The following TYRO3 variants were observed in gnomAD, a reference collection of about 807,000 sequenced individuals.
TYRO3 encodes TYRO3 protein tyrosine kinase.
TYRO3 carries 38 observed loss-of-function variants against 95.2 expected under a neutral mutation model. The observed-to-expected ratio is 0.40, with a 90% CI of 0.31 to 0.52. The LOEUF is 0.52. TYRO3 is among the 20% of genes least tolerant of loss of function. TYRO3 has a pLI of 0.56. For missense variants in TYRO3, 812 were observed against 1,116.4 expected (o/e 0.73, Z 3.89); for synonymous variants, 367 against 432.9 (o/e 0.85, Z 1.89).
At chr15:41,563,069 A>C (rs1433325446) in intron 4 of TYRO3, among the ~76,000 whole-genome samples, 1 of 152,106 alleles carries the variant, frequency 6.6e-6, no homozygotes, top group African/African-American at 2.4e-5. Flanking sequence ...CAGCCCACGC[A>C]GAACTAGGGA....
At chr15:41,560,428 T>TGTGTGTGTGTGTGTGCGC (rs1408766845) in intron 1 of TYRO3, among the ~76,000 whole-genome samples, 25 of 135,304 alleles carry the variant, frequency 1.8e-4, no homozygotes, top group Non-Finnish European at 3.1e-4. Context: ...TGTGTGTGTG[T>TGTGTGTGTGTGTGTGCGC]GCGCGCGCGC....
intron 17 of TYRO3, 84 bp downstream of exon 17, chr15:41,573,551 T>G: frequency 6.4e-7 from 1 of 1,567,232 alleles, no homozygotes; most frequent in Admixed American, 1.7e-5. Context: ...CCAAGTCTGC[T>G]CTCTGGGGTT....
chr15:41,569,469 C>T (rs971725243), intron 9 of TYRO3, among the ~76,000 whole-genome samples: 2 of 150,440 alleles, frequency 1.3e-5, no homozygotes, highest in African/African-American at 2.5e-5. Flanking sequence ...TCTGTTGTCT[C>T]TAAAGAAACA....
chr15:41,576,645 CTTTT>C (rs971951671), intron 18 of TYRO3, among the ~76,000 whole-genome samples: 1 of 101,092 alleles, frequency 9.9e-6, no homozygotes, highest in East Asian at 2.7e-4. Flanking sequence ...AGTAGGTTTC[CTTTT>C]TTTTTTTTTT....
At position 41,564,236 on chromosome 15, in the gene TYRO3, G is replaced by A. The variant is rs1362449031; in HGVS notation, c.633G>A (p.Leu211=). ...FSCEAHNLKG[L]ASSRTATVHL... is the part of the protein sequence containing the mutation. ...GTGAAGCTCACAACCTAAAAGGCCT[G>A]GCCTCTTCTCGCACAGCCACTGTTC... The change falls in exon 5 of 19, where the codon CTG becomes CTA. Residue 211 remains leucine, a synonymous_variant. Coordinates refer to ENST00000263798, the MANE Select transcript of TYRO3 (RefSeq NM_006293.4). The A allele has an allele frequency of 1.9e-6, 3 of 1,614,020 alleles. No homozygotes were observed. Among genetic ancestry groups the A allele is most frequent in the Non-Finnish European group, 2.5e-6 (3 of 1,180,004 alleles).
chr15:41,564,376 C>A, intron 5 of TYRO3, 106 bp downstream of exon 5: 1 of 1,163,920 alleles, frequency 8.6e-7, no homozygotes, highest in Non-Finnish European at 1.3e-6. Flanking sequence ...TGTGGTCCTG[C>A]TGGGATCTAG....
chr15:41,561,211 A>T lies in TYRO3; in HGVS notation c.209A>T (p.Glu70Val), dbSNP rs753026091. The part of the protein sequence containing the change: ...VKLNCSVEGM[E>V]EPDIQWVKDG... ...CTCAACTGCAGTGTGGAGGGGATGG[A>T]GGAGCCTGACATCCAGTGGGTGAAG... is the stretch of plus-strand genomic sequence containing the variant. The change falls in exon 2 of 19, where the codon GAG (glutamate) becomes GTG (valine). Residue 70 changes from glutamate to valine, a missense_variant. Transcript: ENST00000263798. 3 of 1,614,206 alleles carry T rather than the reference A, an allele frequency of 1.9e-6. No homozygotes were observed. In the South Asian group the frequency reaches 3.3e-5, roughly 18 times the overall value.
At chr15:41,566,733 A>C (rs2055729793) in intron 6 of TYRO3, among the ~76,000 whole-genome samples, 1 of 152,100 alleles carries the variant, frequency 6.6e-6, no homozygotes. Context: ...CTGACTCGGG[A>C]CTCCAGGGAT....
chr15:41,568,390 C>A, intron 8 of TYRO3, 28 bp downstream of exon 8: 2 of 1,588,304 alleles, frequency 1.3e-6, no homozygotes, highest in Non-Finnish European at 1.7e-6. Context: ...CCTCTCTCCA[C>A]TCTCCTGGAG....
chr15:41,572,953 C>T (rs201282477), intron 15 of TYRO3, 49 bp from the exon 16 acceptor site: 999 of 1,277,608 alleles, frequency 7.8e-4, no homozygotes, highest in Non-Finnish European at 9.8e-4. Flanking sequence ...CCATCCTGCC[C>T]CAGCTGGGTG....
At position 41,582,750 on chromosome 15, in the gene TYRO3, G is replaced by C. The variant is rs1204933207; in HGVS notation, c.*4474G>C. On this transcript the variant is annotated 3_prime_UTR_variant, in exon 19 of 19. Transcript: ENST00000263798. ...GTTGATTTATCTCAAATTTATTGTT[G>C]AATAAGAAGTGATACAGAGATTCAA... 2 of 152,010 alleles carry C rather than the reference G, an allele frequency of 1.3e-5. No individual in the cohort carries two copies. The highest frequency in any genetic ancestry group is 2.9e-5 in the Non-Finnish European group (2 of 67,992). The allele number at this position is 152,010 out of a possible 1,614,324, so 9.4% of individuals were successfully genotyped here.
rs2055931906 is a variant in TYRO3, at chr15:41,582,476, G to A, written c.*4200G>A. ...ACCTGGGAGGGGGAGGTTGCAGTGA[G>A]CCACTACATTCCAGCTTGGGTGAGA... is the stretch of plus-strand genomic sequence containing the variant. On this transcript the variant is annotated 3_prime_UTR_variant, in exon 19 of 19. Transcript: ENST00000263798. 1 of 152,064 alleles carries A rather than the reference G, an allele frequency of 6.6e-6. No homozygotes were observed. The highest frequency in any genetic ancestry group is 1.5e-5 in the Non-Finnish European group (1 of 68,080). 9.4% of individuals were successfully genotyped at this position (152,064 alleles called of 1,614,324 possible).
chr15:41,566,014 T>C (rs2055719024), intron 6 of TYRO3, among the ~76,000 whole-genome samples: 1 of 152,134 alleles, frequency 6.6e-6, no homozygotes, highest in African/African-American at 2.4e-5. Flanking sequence ...GCTCCACCAT[T>C]TAGAGAACCC....
rs754761754 is a variant in TYRO3, at chr15:41,565,167, T to C, written c.783+26T>C. 4 of 1,435,136 alleles carry C rather than the reference T, an allele frequency of 2.8e-6. No homozygotes were observed. In the African/African-American group the frequency reaches 5.6e-5, roughly 20 times the overall value. 88.9% of individuals were successfully genotyped at this position (1,435,136 alleles called of 1,614,324 possible). ...GTAGGCTCTCCGGGCCGGGCCATGC[T>C]CGTTCTGGCTGCATGGCCAGCACTT... On this transcript the variant is annotated intron_variant, in intron 6 of 18. Transcript: ENST00000263798.
intron 11 of TYRO3, 85 bp downstream of exon 11, chr15:41,570,425 A>G: frequency 7.3e-7 from 1 of 1,372,148 alleles, no homozygotes. Context: ...AATTTGACTG[A>G]TATGTCTGAA....
At chr15:41,576,786 C>G (rs944711370) in intron 18 of TYRO3, among the ~76,000 whole-genome samples, 2 of 151,198 alleles carry the variant, frequency 1.3e-5, no homozygotes, top group Non-Finnish European at 2.9e-5. Flanking sequence ...CCCAGCCTCC[C>G]TAGTAGCTGG....
chr15:41,566,487 T>C (rs2055726415), intron 6 of TYRO3, among the ~76,000 whole-genome samples: 1 of 152,192 alleles, frequency 6.6e-6, no homozygotes, highest in Non-Finnish European at 1.5e-5. Flanking sequence ...CAGGATCTCT[T>C]GCCCTAATGG....
chr15:41,564,771 T>C, intron 5 of TYRO3: 3 of 490,744 alleles, frequency 6.1e-6, no homozygotes, highest in Non-Finnish European at 1.1e-5. Flanking sequence ...TCTCATCTTA[T>C]TCCTCAGTTA....
chr15:41,559,568 C>T (rs141669463), intron 1 of TYRO3, among the ~76,000 whole-genome samples, 187 bp downstream of exon 1: 2,098 of 152,294 alleles, frequency 0.014, 37 homozygotes, highest in South Asian at 0.071. Context: ...CGGGCCCCCA[C>T]CCCCAACTTT....
Sources: allele counts gnomAD v4.1 joint callset (sites outside exome capture counted in the v4.1 genomes callset), GRCh38; gene constraint gnomAD v4.1.1; transcripts MANE v1.5; gene names NCBI Gene and HGNC (gene_info 2026-07-23, HGNC 2026-07-21).